The following TARDBP variants were observed in gnomAD, a reference collection of about 807,000 sequenced individuals.
The protein encoded by TARDBP is TAR DNA binding protein.
TARDBP carries 4 observed loss-of-function variants against 38.3 expected under a neutral mutation model. The observed-to-expected ratio is 0.10, with a 90% CI of 0.05 to 0.24. TARDBP has a LOEUF of 0.24. TARDBP is among the 10% of genes least tolerant of loss of function. TARDBP has a pLI of 1.00. For synonymous variants in TARDBP, 184 were observed against 183.8 expected, an observed-to-expected ratio of 1.00 and a Z score of -0.01; for missense variants, 202 against 521.9, an observed-to-expected ratio of 0.39 and a Z score of 5.97.
At chr1:11,018,040 G>T (rs1193409757) in intron 3 of TARDBP, among the ~76,000 whole-genome samples, 1 of 145,018 alleles carries the variant, frequency 6.9e-6, no homozygotes, top group Non-Finnish European at 1.5e-5. Context: ...CTGCCACCAC[G>T]CCTGGCTAAT....
chr1:11,024,801 C>G lies in TARDBP; in HGVS notation c.*2147C>G, dbSNP rs922039719. The G allele has an allele frequency of 2.0e-5, 3 of 152,620 alleles. No homozygotes were observed. Among genetic ancestry groups the G allele is most frequent in the African/African-American group, 7.2e-5 (3 of 41,450 alleles). 9.5% of individuals were successfully genotyped at this position (152,620 alleles called of 1,614,324 possible). On this transcript the variant is annotated 3_prime_UTR_variant, in exon 6 of 6. Transcript: ENST00000240185. ...GTATGTAAAAGCAATAACATTGATT[C>G]TCTGTTGTACTTTTTTGTAACTAAT...
In TARDBP at chr1:11,024,188, C is replaced by G. The variant is rs1643689183; in HGVS notation, c.*1534C>G. On this transcript the variant is annotated 3_prime_UTR_variant, in exon 6 of 6. Transcript: ENST00000240185. The stretch of plus-strand genomic sequence containing the variant: ...AATAAACTTATTTGAAAAGTTGTCT[C>G]AAGTCAAATGGATTCATCACCTGTC... The G allele has an allele frequency of 6.6e-6, 1 of 152,544 alleles. No homozygotes were observed. Among genetic ancestry groups the G allele is most frequent in the Admixed American group, 6.6e-5 (1 of 15,266 alleles). 9.4% of individuals were successfully genotyped at this position (152,544 alleles called of 1,614,324 possible).
intron 4 of TARDBP, among the ~76,000 whole-genome samples, chr1:11,019,945 A>G (rs1322775577): frequency 1.3e-4 from 18 of 143,462 alleles, no homozygotes; most frequent in African/African-American, 4.2e-4. Context: ...GCTCACTGCA[A>G]CCTCCTCTTC....
intron 4 of TARDBP, chr1:11,019,160 T>G: frequency 2.3e-6 from 1 of 432,122 alleles, no homozygotes. Context: ...CTTACATAGT[T>G]ATATGTTAAA....
chr1:11,026,660 A>G (rs1033638), downstream of TARDBP: 288,079 of 374,014 alleles, frequency 0.77, 115,170 homozygotes, highest in East Asian at 0.87. Context: ...GTGGGCAAAG[A>G]TGACTGTCAC....
chr1:11,013,659 T>A, intron 1 of TARDBP, 57 bp from the exon 2 acceptor site: 1 of 1,406,748 alleles, frequency 7.1e-7, no homozygotes, highest in Non-Finnish European at 9.9e-7. Context: ...ATTATCATTA[T>A]AAGGAAACAG....
In TARDBP at chr1:11,022,528, T is replaced by C; in HGVS notation, c.1119T>C (p.Ser373=). 6.3e-7 allele frequency: 1 copy of C among 1,590,374 alleles called. No individual in the cohort carries two copies. Among genetic ancestry groups the C allele is most frequent in the South Asian group, 1.1e-5 (1 of 88,234 alleles). The change falls in exon 6 of 6, where the codon TCT becomes TCC. Residue 373 remains serine, a synonymous_variant. Coordinates refer to ENST00000240185, the MANE Select transcript of TARDBP (RefSeq NM_007375.4). The surrounding 1 kb of genome is among the most constrained non-coding windows in gnomAD (Gnocchi z 4.5). ...AGGCCTTCGGTTCTGGAAATAACTC[T>C]TATAGTGGCTCTAATTCTGGTGCAG... ...PNQAFGSGNN[S]YSGSNSGAAI...
chr1:11,027,062 G>A (rs756286024), downstream of TARDBP: 2 of 1,593,242 alleles, frequency 1.3e-6, no homozygotes, highest in Non-Finnish European at 1.7e-6. Flanking sequence ...CACCTCTGCA[G>A]CTGTCCTTGC....
In TARDBP at chr1:11,025,360, A is replaced by T. The variant is rs1285230375; in HGVS notation, c.*2706A>T. The T allele has an allele frequency of 6.6e-6, 1 of 152,244 alleles. No homozygotes were observed. The highest frequency in any genetic ancestry group is 1.5e-5 in the Non-Finnish European group (1 of 68,036). The allele number at this position is 152,244 out of a possible 1,614,324, so 9.4% of individuals were successfully genotyped here. A position where few individuals can be genotyped will look rare whatever the true frequency, so the allele number is the denominator to read the frequency against. On this transcript the variant is annotated 3_prime_UTR_variant, in exon 6 of 6. Coordinates refer to ENST00000240185, the MANE Select transcript of TARDBP (RefSeq NM_007375.4). ...TACGGGTATTTATTTTACCCTAAGA[A>T]GATTTTGAAGTTTAAAAGTACTTAA...
chr1:11,027,048 C>T, downstream of TARDBP: 1 of 1,593,604 alleles, frequency 6.3e-7, no homozygotes. Flanking sequence ...TGCCCCTCCG[C>T]TGTCACCTCT....
At chr1:11,015,079 C>T (rs1273432072) in intron 2 of TARDBP, among the ~76,000 whole-genome samples, 3 of 151,572 alleles carry the variant, frequency 2.0e-5, no homozygotes, top group African/African-American at 7.3e-5. Flanking sequence ...TACACTCCAA[C>T]CTGTGACAGA....
chr1:11,028,697 G>GTTTTTTGTT (rs1570734338), downstream of TARDBP, among the ~76,000 whole-genome samples: 2 of 36,164 alleles, frequency 5.5e-5, no homozygotes, highest in East Asian at 1.9e-3. Flanking sequence ...ATCTTTCTGG[G>GTTTTTTGTT]TTTTTTTTCT....
rs1357881499 is a variant in TARDBP at position 11,024,580 on chromosome 1, TAGA to T, written c.*1931_*1933del. On this transcript the variant is annotated 3_prime_UTR_variant, in exon 6 of 6. Coordinates refer to ENST00000240185, the MANE Select transcript of TARDBP (RefSeq NM_007375.4). ...GGAATTAATTGCAGTAGGGATAAAG[TAGA>T]AGAAACCACAAATTATCTTGTGCCT... 6.6e-6 allele frequency: 1 copy of T among 152,650 alleles called. No individual in the cohort carries two copies. 9.5% of individuals were successfully genotyped at this position (152,650 alleles called of 1,614,324 possible). A position where few individuals can be genotyped will look rare whatever the true frequency, so the allele number is the denominator to read the frequency against.
intron 2 of TARDBP, among the ~76,000 whole-genome samples, chr1:11,014,848 A>G (rs894891006): frequency 2.0e-5 from 3 of 152,170 alleles, no homozygotes; most frequent in African/African-American, 7.2e-5. Context: ...GACGCAGGAG[A>G]ATCGCTTGAA....
downstream of TARDBP, chr1:11,027,001 C>G (rs749173989): frequency 2.5e-6 from 4 of 1,598,254 alleles, no homozygotes; most frequent in Admixed American, 7.0e-5. Context: ...ATTCCTCCCA[C>G]AAACCACCTC....
At chr1:11,019,463 G>A (rs554220844) in intron 4 of TARDBP, among the ~76,000 whole-genome samples, 1 of 152,224 alleles carries the variant, frequency 6.6e-6, no homozygotes, top group Admixed American at 6.5e-5. Flanking sequence ...CTACAGTGTT[G>A]AGTACAGTAA....
At chr1:11,021,424 A>C (rs1643636221) in intron 5 of TARDBP, among the ~76,000 whole-genome samples, 1 of 150,974 alleles carries the variant, frequency 6.6e-6, no homozygotes, top group Non-Finnish European at 1.5e-5. Flanking sequence ...TACAGGCATG[A>C]GCCACCACGC....
At chr1:11,017,409 C>G (rs1205878783) in intron 3 of TARDBP, among the ~76,000 whole-genome samples, 1 of 152,086 alleles carries the variant, frequency 6.6e-6, no homozygotes, top group Non-Finnish European at 1.5e-5. Flanking sequence ...ACCCGTTGGC[C>G]AGGCTGTTCT....
In TARDBP at chr1:11,019,071, A is replaced by G. The variant is rs1046663037; in HGVS notation, c.543+198A>G. 8.8e-6 allele frequency: 6 copies of G among 678,506 alleles called. No individual in the cohort carries two copies. In the South Asian group the frequency reaches 8.9e-5, roughly 10 times the overall value. 42.0% of individuals were successfully genotyped at this position (678,506 alleles called of 1,614,324 possible). Reference sequence around the variant, plus strand: ...AATATTTAGTTTATTACTTCTCCAAACTAAACCTTTGTTCATTTTGTTCTT... The same window carrying G: ...AATATTTAGTTTATTACTTCTCCAAGCTAAACCTTTGTTCATTTTGTTCTT... On this transcript the variant is annotated intron_variant, in intron 4 of 5. Coordinates refer to ENST00000240185, the MANE Select transcript of TARDBP (RefSeq NM_007375.4).
Sources: gnomAD v4.1 joint callset for allele counts (sites outside exome capture counted in the v4.1 genomes callset) on GRCh38, gnomAD v4.1.1 for gene constraint, Gnocchi (gnomAD v3.1) non-coding constraint, MANE v1.5 for transcripts, NCBI Gene and HGNC (gene_info 2026-07-23, HGNC 2026-07-21) for gene names.